The following BICDL1 variants were observed in gnomAD, a reference collection of about 807,000 sequenced individuals.
The protein encoded by BICDL1 is BICD family like cargo adaptor 1.
In BICDL1, 20 loss-of-function variants were observed where a neutral mutation model predicts 76.8. The ratio of observed to expected loss-of-function variants is 0.26; its 90% confidence interval spans 0.18 to 0.38. BICDL1 has a LOEUF of 0.38. Ranked by LOEUF, BICDL1 falls within the 10% of genes least tolerant of loss-of-function variation. The pLI is 1.00. For missense variants in BICDL1, 700 were observed against 798.6 expected (o/e 0.88, Z 1.49); for synonymous variants, 383 against 337.1 (o/e 1.14, Z -1.49).
intron 2 of BICDL1, among the ~76,000 whole-genome samples, chr12:120,011,718 A>T (rs191486339): frequency 6.6e-6 from 1 of 152,216 alleles, no homozygotes; most frequent in Non-Finnish European, 1.5e-5. Flanking sequence ...TAACTGTTAT[A>T]ATACATAAAC....
intron 2 of BICDL1, among the ~76,000 whole-genome samples, chr12:120,061,089 G>C (rs965318971): frequency 1.3e-5 from 2 of 152,182 alleles, no homozygotes; most frequent in African/African-American, 4.8e-5. Flanking sequence ...GATGGTATTT[G>C]GTGTTTGCTG....
At chr12:120,011,691 A>G (rs905313612) in intron 2 of BICDL1, among the ~76,000 whole-genome samples, 3 of 152,212 alleles carry the variant, frequency 2.0e-5, no homozygotes, top group Non-Finnish European at 2.9e-5. Context: ...TCATGGTTAT[A>G]TTAGGTAGAA....
intron 3 of BICDL1, among the ~76,000 whole-genome samples, chr12:120,064,132 G>T (rs1372401305): frequency 6.6e-6 from 1 of 152,164 alleles, no homozygotes; most frequent in Non-Finnish European, 1.5e-5. Flanking sequence ...TCTGTGTCCT[G>T]CTCCATCCCA....
At chr12:119,998,318 G>A (rs1951693562) in intron 1 of BICDL1, among the ~76,000 whole-genome samples, 1 of 152,172 alleles carries the variant, frequency 6.6e-6, no homozygotes, top group Admixed American at 6.5e-5. Flanking sequence ...TAAGAATGGC[G>A]TTCTCTTTGT....
intron 1 of BICDL1, among the ~76,000 whole-genome samples, chr12:119,991,786 AGT>A (rs1269702080): frequency 6.6e-6 from 1 of 152,228 alleles, no homozygotes; most frequent in Non-Finnish European, 1.5e-5. Flanking sequence ...AGTAATCCTG[AGT>A]GTGCAATTAC....
chr12:120,082,319 C>G (rs1337419059), intron 8 of BICDL1, among the ~76,000 whole-genome samples: 1 of 151,930 alleles, frequency 6.6e-6, no homozygotes, highest in Non-Finnish European at 1.5e-5. Flanking sequence ...GTGGCATGAT[C>G]TTGGCTCACT....
At chr12:120,040,915 T>A (rs1207050265) in intron 2 of BICDL1, among the ~76,000 whole-genome samples, 1 of 151,984 alleles carries the variant, frequency 6.6e-6, no homozygotes, top group East Asian at 1.9e-4. Context: ...CGTGGCTAAT[T>A]TTTGTATTTT....
chr12:120,042,359 A>G (rs990322940), intron 2 of BICDL1, among the ~76,000 whole-genome samples: 1 of 152,120 alleles, frequency 6.6e-6, no homozygotes, highest in African/African-American at 2.4e-5. Flanking sequence ...CAAAACTCCT[A>G]AGAATGAAGT....
intron 2 of BICDL1, among the ~76,000 whole-genome samples, chr12:120,046,935 A>C (rs1380431405): frequency 6.6e-6 from 1 of 152,208 alleles, no homozygotes; most frequent in Non-Finnish European, 1.5e-5. Flanking sequence ...ACATTGAATA[A>C]TAGTCCTCTT....
At position 120,071,854 on chromosome 12, in the gene BICDL1, C is replaced by T. The variant is rs1873131041; in HGVS notation, c.1089+53C>T. Reference sequence around the variant, plus strand: ...CGAGGCTACCTGGGGTTGCTTAGGTCTCATCCTCCTCCCTAGTGCTCAGCT... The same window carrying T: ...CGAGGCTACCTGGGGTTGCTTAGGTTTCATCCTCCTCCCTAGTGCTCAGCT... On this transcript the variant is annotated intron_variant, in intron 5 of 9. Coordinates refer to ENST00000548673, the MANE Select transcript of BICDL1 (RefSeq NM_001367886.1). The surrounding 1 kb of genome is among the most constrained non-coding windows in gnomAD (Gnocchi z 4.8). 1 of 1,492,978 alleles carries T rather than the reference C, an allele frequency of 6.7e-7. No homozygotes were observed. Among genetic ancestry groups the T allele is most frequent in the East Asian group, 2.5e-5 (1 of 40,074 alleles). 92.5% of individuals were successfully genotyped at this position (1,492,978 alleles called of 1,614,324 possible).
chr12:120,005,990 A>G (rs1951843682), intron 2 of BICDL1, among the ~76,000 whole-genome samples: 1 of 152,218 alleles, frequency 6.6e-6, no homozygotes, highest in African/African-American at 2.4e-5. Context: ...ATACTATCAT[A>G]TTGCTCCAAG....
At chr12:120,018,883 A>C (rs1019583441) in intron 2 of BICDL1, 5 of 151,922 alleles carry the variant, frequency 3.3e-5, no homozygotes, top group Non-Finnish European at 5.9e-5. Flanking sequence ...GTCTCTACTA[A>C]AAATACAAAA....
intron 2 of BICDL1, among the ~76,000 whole-genome samples, chr12:120,028,207 C>T (rs981341039): frequency 1.3e-5 from 2 of 152,160 alleles, no homozygotes; most frequent in Admixed American, 1.3e-4. Context: ...CACACTTTAT[C>T]AGAAATACTG....
At chr12:120,017,966 G>A (rs1952100021) in intron 2 of BICDL1, among the ~76,000 whole-genome samples, 1 of 152,144 alleles carries the variant, frequency 6.6e-6, no homozygotes, top group Admixed American at 6.5e-5. Context: ...CTTGATTCTT[G>A]CTGACTTCAG....
chr12:120,081,137 C>T (rs1166630712), intron 8 of BICDL1, 120 bp downstream of exon 8: 34 of 993,336 alleles, frequency 3.4e-5, no homozygotes, highest in African/African-American at 8.5e-5. Flanking sequence ...TTAGTTTCCC[C>T]GCTACCCACC....
intron 2 of BICDL1, among the ~76,000 whole-genome samples, chr12:120,021,196 A>G (rs780790530): frequency 1.3e-5 from 2 of 151,930 alleles, no homozygotes; most frequent in Admixed American, 6.6e-5. Flanking sequence ...AAGCATAACA[A>G]TTGCTTGAAC....
In BICDL1 at chr12:120,094,212, CAG is replaced by C. The variant is rs1038704892; in HGVS notation, c.*1054_*1055del. 4.4e-6 allele frequency: 2 copies of C among 456,150 alleles called. No homozygotes were observed. The highest frequency in any genetic ancestry group is 4.0e-5 in the African/African-American group (2 of 50,052). The allele number at this position is 456,150 out of a possible 1,614,324, so 28.3% of individuals were successfully genotyped here. On this transcript the variant is annotated 3_prime_UTR_variant, in exon 10 of 10. Coordinates refer to ENST00000548673, the MANE Select transcript of BICDL1 (RefSeq NM_001367886.1). Reference sequence around the variant, plus strand: ...CTCCTCCTCCACCCAGGCCCCAACTCAGAGGCTCCGCGGCCCGGCCAGCCCTC... The same window carrying C: ...CTCCTCCTCCACCCAGGCCCCAACTCAGGCTCCGCGGCCCGGCCAGCCCTC...
At chr12:120,078,351 CA>C (rs1873725855) in intron 7 of BICDL1, among the ~76,000 whole-genome samples, 1 of 152,214 alleles carries the variant, frequency 6.6e-6, no homozygotes, top group Admixed American at 6.5e-5. Context: ...TGTTGTTGAA[CA>C]AAAGAGCAAA....
chr12:120,000,418 T>C (rs1010696177), intron 2 of BICDL1: 6 of 152,372 alleles, frequency 3.9e-5, no homozygotes, highest in Middle Eastern at 6.8e-3. Context: ...ATGGAATCTC[T>C]ATCCTTGTAA....
Sources: allele counts gnomAD v4.1 joint callset (sites outside exome capture counted in the v4.1 genomes callset), GRCh38; gene constraint gnomAD v4.1.1; non-coding constraint Gnocchi (gnomAD v3.1); transcripts MANE v1.5; gene names NCBI Gene and HGNC (gene_info 2026-07-23, HGNC 2026-07-21).